Variants in B3GALT1 observed in about 807,000 individuals in gnomAD.
The protein encoded by B3GALT1 is UDP-Gal:betaGlcNAc beta 1,3-galactosyltransferase, polypeptide 1.
Under a neutral mutation model 23.2 loss-of-function variants are expected in B3GALT1, and 10 were observed. That is an observed-to-expected ratio of 0.43 (90% CI 0.27 to 0.73). The LOEUF (loss-of-function observed/expected upper bound fraction) is 0.73, where lower values mean the gene tolerates loss of function less well. Ranked by LOEUF, B3GALT1 falls within the 30% of genes least tolerant of loss-of-function variation. B3GALT1 has a pLI of 0.21. For missense variants in B3GALT1, 299 were observed against 405.4 expected (o/e 0.74, Z 2.25); for synonymous variants, 156 against 141.5 (o/e 1.10, Z -0.73).
intron 2 of B3GALT1, among the ~76,000 whole-genome samples, chr2:167,559,120 G>T (rs899888446): frequency 1.3e-5 from 2 of 152,164 alleles, no homozygotes; most frequent in Non-Finnish European, 2.9e-5. Flanking sequence ...AACTTCCAGA[G>T]GAACGATCAG....
rs371571720 is a variant in B3GALT1 at position 167,562,802 on chromosome 2, C to T, written c.-410+72525C>T. 1.8e-4 allele frequency among the ~76,000 whole-genome samples: 28 copies of T among 152,002 alleles called. No homozygotes were observed. In the East Asian group the frequency reaches 3.1e-3, roughly 17 times the overall value. ...CTAGGCAGAGGACCCTGCGGCCTTC[C>T]GCAGTGTTTGTGTCCCTGGGTACTT... On this transcript the variant is annotated intron_variant, in intron 2 of 4. Transcript: ENST00000392690.
chr2:167,478,895 T>C (rs1477135008), intron 1 of B3GALT1, among the ~76,000 whole-genome samples: 3 of 152,116 alleles, frequency 2.0e-5, no homozygotes, highest in African/African-American at 7.2e-5. Context: ...TCTTCAAATA[T>C]TTGAAAACAA....
chr2:167,564,700 T>C (rs1295845657), intron 2 of B3GALT1, among the ~76,000 whole-genome samples: 3 of 152,128 alleles, frequency 2.0e-5, no homozygotes, highest in Admixed American at 6.5e-5. Flanking sequence ...ATCACAAGCA[T>C]TCTTATACAC....
intron 2 of B3GALT1, among the ~76,000 whole-genome samples, chr2:167,564,576 G>A (rs1037750109): frequency 2.6e-5 from 4 of 152,200 alleles, no homozygotes; most frequent in Admixed American, 6.5e-5. Context: ...GGGCACCACC[G>A]AGCACCGAGT....
At chr2:167,369,332 C>A (rs1697643650) in intron 1 of B3GALT1, among the ~76,000 whole-genome samples, 1 of 152,078 alleles carries the variant, frequency 6.6e-6, no homozygotes, top group Non-Finnish European at 1.5e-5. Flanking sequence ...TAGAATATTC[C>A]ATGATTTGAA....
chr2:167,723,240 A>G (rs1687260455), intron 3 of B3GALT1, among the ~76,000 whole-genome samples: 1 of 152,068 alleles, frequency 6.6e-6, no homozygotes, highest in Admixed American at 6.6e-5. Flanking sequence ...TAAGAAACCT[A>G]CTCTGTTTAT....
chr2:167,818,356 C>T (rs931675100), intron 3 of B3GALT1, among the ~76,000 whole-genome samples: 1 of 152,188 alleles, frequency 6.6e-6, no homozygotes, highest in African/African-American at 2.4e-5. Flanking sequence ...GGCATGGGCT[C>T]AGTAGCTCAT....
Position 167,332,651 on chromosome 2 carries a change from C to T in B3GALT1, c.-511+39317C>T, listed in dbSNP as rs139601292. Among the ~76,000 whole-genome samples the T allele has an allele frequency of 9.5e-3, 1,441 of 152,258 alleles. 10 individuals carry two copies. The highest frequency in any genetic ancestry group is 0.048 in the Middle Eastern group (14 of 294). On this transcript the variant is annotated intron_variant, in intron 1 of 4. Transcript: ENST00000392690. Reference sequence around the variant, plus strand: ...GTACTTTCTCTCTCAGATCAGAAACCGCAGATGTGTGCACAAAACACTTCG... The same window carrying T: ...GTACTTTCTCTCTCAGATCAGAAACTGCAGATGTGTGCACAAAACACTTCG...
intron 1 of B3GALT1, among the ~76,000 whole-genome samples, chr2:167,316,682 T>A (rs1198813729): frequency 1.3e-5 from 2 of 152,106 alleles, no homozygotes; most frequent in African/African-American, 4.8e-5. Context: ...GAGGCATGTT[T>A]TATGTTGTCT....
rs758029622 is a variant in B3GALT1, at chr2:167,616,054, GAACAA to G, written c.-409-30847_-409-30843del. Among the ~76,000 whole-genome samples, 58 of 143,454 alleles carry G rather than the reference GAACAA, an allele frequency of 4.0e-4. 1 individual carries two copies. Among genetic ancestry groups the G allele is most frequent in the South Asian group, 3.8e-3 (16 of 4,234 alleles). The allele number at this position is 143,454 out of a possible 152,430, so 94.1% of individuals were successfully genotyped here. A position where few individuals can be genotyped will look rare whatever the true frequency, so the allele number is the denominator to read the frequency against. On this transcript the variant is annotated intron_variant, in intron 2 of 4. Transcript: ENST00000392690. ...AAGATAAGCGTTCAGTAGAATAACA[GAACAA>G]AACAAAAAGCACTTTACAAAGAAAA... is the stretch of plus-strand genomic sequence containing the variant.
At chr2:167,847,617 A>C (rs939920442) in intron 4 of B3GALT1, among the ~76,000 whole-genome samples, 1 of 152,172 alleles carries the variant, frequency 6.6e-6, no homozygotes, top group Non-Finnish European at 1.5e-5. Flanking sequence ...ATAGCCCTAA[A>C]CGCCTACACA....
chr2:167,594,407 A>G (rs1380401468), intron 2 of B3GALT1, among the ~76,000 whole-genome samples: 1 of 152,230 alleles, frequency 6.6e-6, no homozygotes. Context: ...TTGACTGACT[A>G]AAATACTGTA....
intron 4 of B3GALT1, among the ~76,000 whole-genome samples, chr2:167,849,213 A>G (rs966986667): frequency 4.6e-5 from 7 of 152,246 alleles, no homozygotes; most frequent in African/African-American, 1.7e-4. Context: ...CATTCTTCAT[A>G]GAATTAGGAA....
At chr2:167,627,272 T>A (rs1685364610) in intron 2 of B3GALT1, among the ~76,000 whole-genome samples, 1 of 151,780 alleles carries the variant, frequency 6.6e-6, no homozygotes, top group South Asian at 2.1e-4. Context: ...AGATGTAGAA[T>A]ATTTCCATTA....
intron 2 of B3GALT1, among the ~76,000 whole-genome samples, chr2:167,600,120 A>G (rs1684849307): frequency 6.6e-6 from 1 of 152,136 alleles, no homozygotes; most frequent in Non-Finnish European, 1.5e-5. Context: ...ATAAATCCCT[A>G]AAAAGAGGAA....
intron 3 of B3GALT1, among the ~76,000 whole-genome samples, chr2:167,665,618 T>C (rs1686163204): frequency 6.6e-6 from 1 of 151,926 alleles, no homozygotes; most frequent in African/African-American, 2.4e-5. Flanking sequence ...TGGTAAGCTA[T>C]TGATTATTGC....
intron 3 of B3GALT1, among the ~76,000 whole-genome samples, chr2:167,719,812 A>G (rs759409126): frequency 1.3e-5 from 2 of 152,058 alleles, no homozygotes; most frequent in East Asian, 1.9e-4. Flanking sequence ...CGTGCCTGTA[A>G]TCCCAGCTAC....
At chr2:167,653,144 A>C (rs1457999740) in intron 3 of B3GALT1, among the ~76,000 whole-genome samples, 3 of 150,836 alleles carry the variant, frequency 2.0e-5, no homozygotes, top group African/African-American at 7.5e-5. Context: ...GCACATAAAG[A>C]AGACTCTTCT....
At chr2:167,583,090 A>T (rs933226014) in intron 2 of B3GALT1, among the ~76,000 whole-genome samples, 5 of 151,950 alleles carry the variant, frequency 3.3e-5, no homozygotes, top group African/African-American at 1.2e-4. Context: ...AGGGACAAGA[A>T]CTCCTCTGCT....
Sources: gnomAD v4.1 joint callset for allele counts (sites outside exome capture counted in the v4.1 genomes callset) on GRCh38, gnomAD v4.1.1 for gene constraint, MANE v1.5 for transcripts, NCBI Gene and HGNC (gene_info 2026-07-23, HGNC 2026-07-21) for gene names.